Variants in SYT16 observed in about 807,000 individuals in gnomAD.
SYT16 encodes synaptotagmin 16.
In SYT16, 42 loss-of-function variants were observed where a neutral mutation model predicts 61.4. That is an observed-to-expected ratio of 0.68 (90% CI 0.53 to 0.89). The LOEUF is 0.89. Ranked by LOEUF, SYT16 falls within the 40% of genes least tolerant of loss-of-function variation. SYT16 has a pLI of 0.00. For missense variants in SYT16, 804 were observed against 807.3 expected (o/e 1.00, Z 0.05); for synonymous variants, 314 against 302.3 (o/e 1.04, Z -0.40).
intron 1 of SYT16, among the ~76,000 whole-genome samples, chr14:61,827,043 G>T (rs965356119): frequency 2.7e-5 from 4 of 150,308 alleles, no homozygotes; most frequent in African/African-American, 1.0e-4. Flanking sequence ...CTCTTTAAAG[G>T]CCCCATCTCT....
In SYT16 at chr14:61,954,888, C is replaced by A. The variant is rs556045947; in HGVS notation, c.-324-15244C>A. Among the ~76,000 whole-genome samples the A allele has an allele frequency of 3.9e-5, 6 of 152,084 alleles. No homozygotes were observed. The East Asian group carries it at 1.2e-3, about 29-fold the overall frequency. On this transcript the variant is annotated intron_variant, in intron 1 of 7. Transcript: ENST00000683842. ...ATGTTGAATAATAAAATTGCAGAATCTTTAAATATGAAGGAAATAACTCTC... is the reference window on the plus strand; with the variant it reads ...ATGTTGAATAATAAAATTGCAGAATATTTAAATATGAAGGAAATAACTCTC...
In SYT16 at chr14:61,943,342, G is replaced by A. The variant is rs999405762; in HGVS notation, c.-324-26790G>A. 7.9e-5 allele frequency among the ~76,000 whole-genome samples: 12 copies of A among 152,090 alleles called. No individual in the cohort carries two copies. The East Asian group carries it at 1.5e-3, about 20-fold the overall frequency. ...ATACCATTCCTTCTAAAACTATTCC[G>A]AACAATAGAAAAAGAAGGACTCCTC... On this transcript the variant is annotated intron_variant, in intron 1 of 7. Transcript: ENST00000683842.
intron 1 of SYT16, among the ~76,000 whole-genome samples, chr14:61,877,733 G>A (rs1413205647): frequency 6.6e-6 from 1 of 152,194 alleles, no homozygotes; most frequent in Non-Finnish European, 1.5e-5. Flanking sequence ...GTGTACTCAG[G>A]GTCACATGAT....
intron 3 of SYT16, among the ~76,000 whole-genome samples, chr14:62,047,460 C>A (rs527976944): frequency 6.6e-6 from 1 of 152,120 alleles, no homozygotes; most frequent in Admixed American, 6.6e-5. Flanking sequence ...ATTGAATGCC[C>A]GTTATTTCCT....
intron 3 of SYT16, among the ~76,000 whole-genome samples, chr14:62,033,000 A>G (rs978772942): frequency 3.6e-5 from 5 of 137,332 alleles, no homozygotes; most frequent in East Asian, 1.9e-4. Context: ...ACAATTTAAC[A>G]AACTTTGAAA....
intron 1 of SYT16, among the ~76,000 whole-genome samples, chr14:61,835,643 C>T (rs2046105364): frequency 6.6e-6 from 1 of 151,908 alleles, no homozygotes; most frequent in South Asian, 2.1e-4. Context: ...AAAATACTGC[C>T]AGAATATTCC....
At chr14:61,852,351 G>A (rs1435001580) in intron 1 of SYT16, among the ~76,000 whole-genome samples, 10 of 152,156 alleles carry the variant, frequency 6.6e-5, no homozygotes, top group African/African-American at 1.9e-4. Context: ...GTTGAGTAGC[G>A]TGATACTTCC....
intron 1 of SYT16, among the ~76,000 whole-genome samples, chr14:61,835,487 C>T (rs139869494): frequency 8.5e-4 from 128 of 151,470 alleles, no homozygotes; most frequent in African/African-American, 3.1e-3. Context: ...CTCAAACTCC[C>T]GACCTCTTGA....
intron 3 of SYT16, among the ~76,000 whole-genome samples, chr14:62,017,933 C>T (rs966378002): frequency 3.3e-5 from 5 of 152,074 alleles, no homozygotes; most frequent in Non-Finnish European, 7.4e-5. Context: ...CCAGGCTAGT[C>T]TTGAATTCCT....
At chr14:61,981,690 A>G (rs908479643) in intron 2 of SYT16, among the ~76,000 whole-genome samples, 1 of 152,106 alleles carries the variant, frequency 6.6e-6, no homozygotes, top group Non-Finnish European at 1.5e-5. Flanking sequence ...GACCCAGCAA[A>G]TGAACATGTT....
chr14:62,086,413 G>T (rs1245739311), intron 7 of SYT16, among the ~76,000 whole-genome samples: 2 of 152,182 alleles, frequency 1.3e-5, no homozygotes, highest in African/African-American at 4.8e-5. Flanking sequence ...CGAGGAGGTG[G>T]AGGTTGCAGT....
intron 1 of SYT16, among the ~76,000 whole-genome samples, chr14:61,838,366 G>A (rs932816922): frequency 6.6e-6 from 1 of 152,094 alleles, no homozygotes; most frequent in African/African-American, 2.4e-5. Context: ...TGCACATTCC[G>A]ACATGCTGCT....
At chr14:61,934,082 A>G (rs1273130043) in intron 1 of SYT16, among the ~76,000 whole-genome samples, 1 of 152,176 alleles carries the variant, frequency 6.6e-6, no homozygotes, top group Non-Finnish European at 1.5e-5. Context: ...TGCTGCATAT[A>G]CTTTTTCTGT....
Position 61,943,531 on chromosome 14 carries a change from A to G in SYT16, c.-324-26601A>G, listed in dbSNP as rs550481770. ...CAGCAGCACATCAAAAAGCGTATCC[A>G]CCACGATCAAGTCGGCTTCATCCCT... On this transcript the variant is annotated intron_variant, in intron 1 of 7. Coordinates refer to ENST00000683842, the MANE Select transcript of SYT16 (RefSeq NM_001367656.1). 1.9e-3 allele frequency among the ~76,000 whole-genome samples: 283 copies of G among 152,366 alleles called. 1 individual carries two copies. The highest frequency in any genetic ancestry group is 6.4e-3 in the African/African-American group (266 of 41,580).
intron 1 of SYT16, among the ~76,000 whole-genome samples, chr14:61,966,709 A>G (rs916543169): frequency 2.0e-5 from 3 of 152,216 alleles, no homozygotes; most frequent in African/African-American, 4.8e-5. Flanking sequence ...TAATTTCATT[A>G]ATTAATGACA....
chr14:62,048,086 G>C (rs1197421995), intron 3 of SYT16, among the ~76,000 whole-genome samples: 1 of 152,152 alleles, frequency 6.6e-6, no homozygotes, highest in African/African-American at 2.4e-5. Flanking sequence ...GTAGAATTTG[G>C]CTGTGAAGCC....
chr14:62,009,897 A>G (rs1433857674), intron 3 of SYT16, among the ~76,000 whole-genome samples: 1 of 152,150 alleles, frequency 6.6e-6, no homozygotes, highest in Non-Finnish European at 1.5e-5. Flanking sequence ...TATTTCTGAT[A>G]ATTTGACTGC....
Position 62,100,376 on chromosome 14 carries a change from C to CTTTTTTT in SYT16, c.1625-14_1625-8dup. 3 of 1,286,626 alleles carry CTTTTTTT rather than the reference C, an allele frequency of 2.3e-6. No homozygotes were observed. The highest frequency in any genetic ancestry group is 2.1e-6 in the Non-Finnish European group (2 of 948,384). The allele number at this position is 1,286,626 out of a possible 1,614,324, so 79.7% of individuals were successfully genotyped here. A position where few individuals can be genotyped will look rare whatever the true frequency, so the allele number is the denominator to read the frequency against. ...TGTTTCTTATCATCCCCACCCCACC[C>CTTTTTTT]TTTTTTTTTTGTCTTAGATACATAT... is the stretch of plus-strand genomic sequence containing the variant. On this transcript the variant is annotated splice_polypyrimidine_tract_variant and intron_variant, in intron 7 of 7. Coordinates refer to ENST00000683842, the MANE Select transcript of SYT16 (RefSeq NM_001367656.1).
At chr14:61,978,811 T>G (rs543584136) in intron 2 of SYT16, among the ~76,000 whole-genome samples, 2 of 152,356 alleles carry the variant, frequency 1.3e-5, no homozygotes, top group Admixed American at 6.5e-5. Flanking sequence ...AACAAGGTTT[T>G]TCCTTCATGA....
Sources: gnomAD v4.1 joint callset for allele counts (sites outside exome capture counted in the v4.1 genomes callset) on GRCh38, gnomAD v4.1.1 for gene constraint, MANE v1.5 for transcripts, NCBI Gene and HGNC (gene_info 2026-07-23, HGNC 2026-07-21) for gene names.